The following LIMCH1 variants were observed in gnomAD, a reference collection of about 807,000 sequenced individuals.
LIMCH1 encodes LIM and calponin homology domains-containing protein 1.
A neutral mutation model predicts 176.5 loss-of-function variants in LIMCH1; 113 were observed. The observed-to-expected ratio is 0.64, with a 90% confidence interval of 0.55 to 0.75. The LOEUF is 0.75. LIMCH1 is among the 30% of genes least tolerant of loss of function. The probability of loss-of-function intolerance (pLI) is 0.00; values close to 1 mark genes in which losing one functional copy is unlikely to be tolerated. For missense variants in LIMCH1, 1,674 were observed against 1,814.9 expected, an observed-to-expected ratio of 0.92 and a Z score of 1.41; for synonymous variants, 619 against 645.9, an observed-to-expected ratio of 0.96 and a Z score of 0.63.
chr4:41,584,657 A>T (rs2086124938), intron 1 of LIMCH1, among the ~76,000 whole-genome samples: 1 of 152,100 alleles, frequency 6.6e-6, no homozygotes, highest in South Asian at 2.1e-4. Context: ...GGACTCTGTG[A>T]TGTGTTTATT....
chr4:41,637,955 G>A (rs2093660589), intron 13 of LIMCH1, among the ~76,000 whole-genome samples: 1 of 152,164 alleles, frequency 6.6e-6, no homozygotes, highest in South Asian at 2.1e-4. Flanking sequence ...TAATTTATTG[G>A]AAACTGGAAG....
intron 1 of LIMCH1, among the ~76,000 whole-genome samples, chr4:41,539,317 C>A (rs1004133304): frequency 6.6e-6 from 1 of 152,126 alleles, no homozygotes; most frequent in Non-Finnish European, 1.5e-5. Flanking sequence ...TCAGCAGTCC[C>A]GGGAGAAGGG....
At chr4:41,613,029 T>A in intron 4 of LIMCH1, 1 of 1,552,030 alleles carries the variant, frequency 6.4e-7, no homozygotes, top group Non-Finnish European at 8.7e-7. Context: ...GGAGCAAAAG[T>A]TGCACAGCTA....
At chr4:41,563,363 C>G (rs2082306052) in intron 1 of LIMCH1, among the ~76,000 whole-genome samples, 2 of 152,282 alleles carry the variant, frequency 1.3e-5, no homozygotes, top group South Asian at 2.1e-4. Flanking sequence ...CATCCATACT[C>G]TAGGTATGTT....
chr4:41,686,371 A>G (rs78873846), intron 28 of LIMCH1, among the ~76,000 whole-genome samples: 2 of 152,132 alleles, frequency 1.3e-5, no homozygotes, highest in Non-Finnish European at 2.9e-5. Context: ...CAATAACTTA[A>G]TGAGATTGTT....
intron 2 of LIMCH1, among the ~76,000 whole-genome samples, chr4:41,515,228 C>G (rs949220541): frequency 1.1e-4 from 16 of 152,248 alleles, no homozygotes; most frequent in African/African-American, 3.9e-4. Context: ...GGTGATCACG[C>G]AGCCGGGTCT....
In LIMCH1 at chr4:41,558,837, G is replaced by T. The variant is rs148576376; in HGVS notation, c.-241+20487G>T. 7.0e-3 allele frequency among the ~76,000 whole-genome samples: 1,059 copies of T among 152,284 alleles called. 5 individuals carry two copies. The highest frequency in any genetic ancestry group is 0.024 in the African/African-American group (1,011 of 41,552). On this transcript the variant is annotated intron_variant, in intron 1 of 31. Coordinates refer to ENST00000503057, the MANE Select transcript of LIMCH1 (RefSeq NM_001330672.2). Reference sequence around the variant, plus strand: ...ATGATTGGATTGATGCTATAAAGAGGAGGGTTCCTGTATATAATCTCAGTG... The same window carrying T: ...ATGATTGGATTGATGCTATAAAGAGTAGGGTTCCTGTATATAATCTCAGTG...
intron 1 of LIMCH1, among the ~76,000 whole-genome samples, chr4:41,570,263 G>A (rs757240561): frequency 6.6e-5 from 10 of 152,240 alleles, no homozygotes; most frequent in Non-Finnish European, 1.0e-4. Flanking sequence ...GTCTTACAGC[G>A]AAGCTCTGAC....
chr4:41,509,368 GCTCT>G (rs2074562874), intron 2 of LIMCH1, among the ~76,000 whole-genome samples: 1 of 152,154 alleles, frequency 6.6e-6, no homozygotes, highest in African/African-American at 2.4e-5. Flanking sequence ...TTTGTCTAGA[GCTCT>G]CTCTCTAACC....
At chr4:41,441,333 T>A (rs4634259) in intron 1 of LIMCH1, among the ~76,000 whole-genome samples, 59,965 of 152,102 alleles carry the variant, frequency 0.39, 13,739 homozygotes, top group African/African-American at 0.64. Context: ...ATTTTTAAAA[T>A]TATTGCTATT....
chr4:41,430,716 T>C (rs1293323968), intron 1 of LIMCH1, among the ~76,000 whole-genome samples: 1 of 152,258 alleles, frequency 6.6e-6, no homozygotes, highest in African/African-American at 2.4e-5. Flanking sequence ...TAATTTTACA[T>C]AATGTTTGGG....
At chr4:41,467,156 T>TACACAC (rs764604409) in intron 1 of LIMCH1, among the ~76,000 whole-genome samples, 75 of 100,308 alleles carry the variant, frequency 7.5e-4, no homozygotes, top group African/African-American at 1.1e-3. Flanking sequence ...TGTATGTATA[T>TACACAC]ATACACACAC....
At chr4:41,555,885 G>A (rs148888006) in intron 1 of LIMCH1, among the ~76,000 whole-genome samples, 1 of 152,194 alleles carries the variant, frequency 6.6e-6, no homozygotes, top group African/African-American at 2.4e-5. Flanking sequence ...GGCACCACAG[G>A]CATTTGCTAC....
chr4:41,635,339 T>G (rs1412130822), intron 13 of LIMCH1, among the ~76,000 whole-genome samples: 1 of 152,102 alleles, frequency 6.6e-6, no homozygotes, highest in Admixed American at 6.5e-5. Context: ...GCGATTCTTA[T>G]GCCTCAGCCT....
At chr4:41,582,879 A>G (rs566388828) in intron 1 of LIMCH1, among the ~76,000 whole-genome samples, 1 of 152,268 alleles carries the variant, frequency 6.6e-6, no homozygotes, top group African/African-American at 2.4e-5. Flanking sequence ...AGACTGGCAT[A>G]CCTGTTAGCT....
At chr4:41,636,850 C>G (rs2093614965) in intron 13 of LIMCH1, among the ~76,000 whole-genome samples, 1 of 152,188 alleles carries the variant, frequency 6.6e-6, no homozygotes, top group African/African-American at 2.4e-5. Flanking sequence ...CTATTTGAGT[C>G]TGTTTACGTA....
intron 2 of LIMCH1, among the ~76,000 whole-genome samples, chr4:41,502,999 G>GTCCATCCATCCATCCATCCATCCATCCA (rs751124176): frequency 1.4e-5 from 2 of 138,312 alleles, no homozygotes; most frequent in Non-Finnish European, 3.1e-5. Flanking sequence ...TGGTCTGTCT[G>GTCCATCCATCCATCCATCCATCCATCCA]TCCATCCATC....
intron 1 of LIMCH1, among the ~76,000 whole-genome samples, chr4:41,390,471 T>G (rs746755802): frequency 3.3e-5 from 5 of 152,218 alleles, no homozygotes; most frequent in Non-Finnish European, 7.3e-5. Context: ...TACCAAGGGA[T>G]GCATTATTAG....
At chr4:41,581,819 A>AAAAAAAAAAAAAAAAAAAC (rs1426202604) in intron 1 of LIMCH1, among the ~76,000 whole-genome samples, 1 of 150,780 alleles carries the variant, frequency 6.6e-6, no homozygotes, top group Admixed American at 6.7e-5. Flanking sequence ...AAAAAAAAAA[A>AAAAAAAAAAAAAAAAAAAC]AAAAAAAAAA....
Sources: allele counts gnomAD v4.1 joint callset (sites outside exome capture counted in the v4.1 genomes callset), GRCh38; gene constraint gnomAD v4.1.1; transcripts MANE v1.5; gene names NCBI Gene and HGNC (gene_info 2026-07-23, HGNC 2026-07-21).